The following ANKRD18A variants were observed in gnomAD, a reference collection of about 807,000 sequenced individuals.
The protein encoded by ANKRD18A is ankyrin repeat domain 18A.
In ANKRD18A, 72 loss-of-function variants were observed where a neutral mutation model predicts 110.6. That is an observed-to-expected ratio of 0.65 (90% CI 0.54 to 0.79). The LOEUF (loss-of-function observed/expected upper bound fraction) is 0.79, where lower values mean the gene tolerates loss of function less well. ANKRD18A is among the 30% of genes least tolerant of loss of function. The pLI is 0.00. For synonymous variants in ANKRD18A, 305 were observed against 410.3 expected, an observed-to-expected ratio of 0.74 and a Z score of 3.10; for missense variants, 934 against 1,163.3, an observed-to-expected ratio of 0.80 and a Z score of 2.87.
At chr9:38,609,216 A>G (rs1028430157) in intron 5 of ANKRD18A, among the ~76,000 whole-genome samples, 4 of 152,174 alleles carry the variant, frequency 2.6e-5, no homozygotes, top group African/African-American at 9.7e-5. Flanking sequence ...GCGGTGGCTC[A>G]CGCCTGTAAT....
chr9:38,575,485 G>A lies in ANKRD18A; in HGVS notation c.2955C>T (p.Phe985=). 6.4e-7 allele frequency: 1 copy of A among 1,550,856 alleles called. No individual in the cohort carries two copies. The highest frequency in any genetic ancestry group is 8.7e-7 in the Non-Finnish European group (1 of 1,146,626). ...TGGTCATATAACTAACCTCAGTCAA[G>A]AAGTTCTTGCAGTTATTTGAAGTCT... ...NPQTSNNCKN[F]LTEVLLC Residue 985 remains phenylalanine, a synonymous_variant, in exon 15 of 16, where the codon TTC becomes TTT. Transcript: ENST00000399703.
At position 38,577,365 on chromosome 9, in the gene ANKRD18A, G is replaced by A. The variant is rs777133355; in HGVS notation, c.2530-101C>T. 474 of 1,211,712 alleles carry A rather than the reference G, an allele frequency of 3.9e-4. 1 individual carries two copies. The highest frequency in any genetic ancestry group is 5.0e-4 in the Non-Finnish European group (440 of 878,514). 75.1% of individuals were successfully genotyped at this position (1,211,712 alleles called of 1,614,324 possible). A position where few individuals can be genotyped will look rare whatever the true frequency, so the allele number is the denominator to read the frequency against. On this transcript the variant is annotated intron_variant, in intron 13 of 15. Coordinates refer to ENST00000399703, the MANE Select transcript of ANKRD18A (RefSeq NM_147195.4). ...AATCAGTGATTCGAAGAGCAATTTT[G>A]AGTATGTTGAAAAGAGGCTGAAGCT...
chr9:38,616,892 T>A (rs1263162898), intron 1 of ANKRD18A, among the ~76,000 whole-genome samples: 1 of 152,218 alleles, frequency 6.6e-6, no homozygotes, highest in East Asian at 1.9e-4. Context: ...GTATTTATAA[T>A]TCATAATTTT....
intron 6 of ANKRD18A, chr9:38,604,062 G>C (rs561516847): frequency 1.3e-5 from 2 of 152,502 alleles, no homozygotes; most frequent in East Asian, 3.9e-4. Flanking sequence ...CACTTTGGGA[G>C]GCTGAGGCAG....
chr9:38,573,699 G>A (rs548896730), intron 15 of ANKRD18A, among the ~76,000 whole-genome samples: 1 of 151,364 alleles, frequency 6.6e-6, no homozygotes, highest in Admixed American at 6.6e-5. Context: ...TAGTGACAGA[G>A]CGAAACTCCA....
intron 14 of ANKRD18A, among the ~76,000 whole-genome samples, 178 bp from the exon 15 acceptor site, chr9:38,575,876 C>T (rs1398528477): frequency 1.3e-5 from 2 of 152,274 alleles, no homozygotes; most frequent in African/African-American, 2.4e-5. Flanking sequence ...TTAAAATCAT[C>T]CTAAATAAGT....
chr9:38,603,021 G>T, intron 7 of ANKRD18A, 138 bp downstream of exon 7: 1 of 1,274,594 alleles, frequency 7.8e-7, no homozygotes, highest in Non-Finnish European at 1.1e-6. Context: ...TTTTATCATG[G>T]ATGGGTGAAA....
At position 38,571,650 on chromosome 9, in the gene ANKRD18A, A is replaced by C. The variant is rs545761091; in HGVS notation, c.*395T>G. 1 of 1,015,154 alleles carries C rather than the reference A, an allele frequency of 9.9e-7. No homozygotes were observed. The highest frequency in any genetic ancestry group is 4.3e-5 in the South Asian group (1 of 23,254). 62.9% of individuals were successfully genotyped at this position (1,015,154 alleles called of 1,614,324 possible). ...TATGGTAATAAAAACTGTAAAATGCAAAGAAGCCCTCGATGACCTTTACTA... is the reference window on the plus strand; with the variant it reads ...TATGGTAATAAAAACTGTAAAATGCCAAGAAGCCCTCGATGACCTTTACTA... On this transcript the variant is annotated 3_prime_UTR_variant, in exon 16 of 16. Transcript: ENST00000399703.
In ANKRD18A at chr9:38,599,590, G is replaced by A. The variant is rs186926896; in HGVS notation, c.936+1541C>T. Among the ~76,000 whole-genome samples, 1,121 of 151,858 alleles carry A rather than the reference G, an allele frequency of 7.4e-3. 14 individuals are homozygous for A. The highest frequency in any genetic ancestry group is 0.024 in the African/African-American group (1,011 of 41,408). On this transcript the variant is annotated intron_variant, in intron 8 of 15. Transcript: ENST00000399703. ...AGCAATTCTCCTGCCTCAGCCTCCC[G>A]AGTAGCTGGGATTACAGGCATGCAC...
downstream of ANKRD18A, chr9:38,566,817 A>C (rs1823494887): frequency 6.6e-6 from 1 of 152,168 alleles, no homozygotes; most frequent in Non-Finnish European, 1.5e-5. Flanking sequence ...GGTGACATAG[A>C]GTTTTCAATG....
intron 3 of ANKRD18A, among the ~76,000 whole-genome samples, chr9:38,612,761 C>T (rs1825688856): frequency 6.6e-6 from 1 of 152,084 alleles, no homozygotes; most frequent in Admixed American, 6.5e-5. Flanking sequence ...TCGTGATCTG[C>T]CCGCCTCAGC....
At chr9:38,591,447 G>A (rs935446328) in intron 10 of ANKRD18A, among the ~76,000 whole-genome samples, 1 of 152,188 alleles carries the variant, frequency 6.6e-6, no homozygotes, top group Non-Finnish European at 1.5e-5. Context: ...GGGATGTTGG[G>A]AAGATTAAAC....
chr9:38,610,146 T>G, intron 5 of ANKRD18A, 127 bp downstream of exon 5: 1 of 1,282,008 alleles, frequency 7.8e-7, no homozygotes, highest in Non-Finnish European at 1.0e-6. Flanking sequence ...AAAAGTGGAC[T>G]AACTTGTTGC....
chr9:38,573,401 AG>A (rs1194705072), intron 15 of ANKRD18A, among the ~76,000 whole-genome samples: 1 of 152,196 alleles, frequency 6.6e-6, no homozygotes, highest in African/African-American at 2.4e-5. Flanking sequence ...AATTTTAGAA[AG>A]GTGGTGTTTT....
At position 38,601,169 on chromosome 9, in the gene ANKRD18A, G is replaced by A. The variant is rs1370859370; in HGVS notation, c.898C>T (p.Gln300Ter). ...TTTTCACTTCTTTGGAGCCTTTCTT[G>A]CTTTTCCTCTGAAGCCACTTTTAGG... ...HNLKVASEEK[Q>*]ERLQRSENKQ... Residue 300 changes from glutamine (Q) to a stop codon, truncating the protein, a stop_gained, in exon 8 of 16, where the codon CAA (glutamine) becomes TAA (stop). Coordinates refer to ENST00000399703, the MANE Select transcript of ANKRD18A (RefSeq NM_147195.4). LOFTEE classifies it high-confidence loss of function. 9.0e-6 allele frequency: 14 copies of A among 1,560,130 alleles called. No individual in the cohort carries two copies. Among genetic ancestry groups the A allele is most frequent in the Non-Finnish European group, 1.7e-6 (2 of 1,151,244 alleles).
chr9:38,577,795 T>C (rs1823965173), intron 13 of ANKRD18A, 72 bp downstream of exon 13: 7 of 1,479,344 alleles, frequency 4.7e-6, no homozygotes, highest in Non-Finnish European at 6.3e-6. Flanking sequence ...TATATACATA[T>C]CCAAAATATA....
At chr9:38,587,816 C>T (rs989183586) in intron 11 of ANKRD18A, among the ~76,000 whole-genome samples, 14 of 152,118 alleles carry the variant, frequency 9.2e-5, no homozygotes, top group Admixed American at 5.9e-4. Flanking sequence ...TTAAAGAATA[C>T]GTTGCTAAGC....
intron 10 of ANKRD18A, among the ~76,000 whole-genome samples, chr9:38,591,946 G>A (rs956877441): frequency 6.6e-6 from 1 of 152,182 alleles, no homozygotes; most frequent in Non-Finnish European, 1.5e-5. Flanking sequence ...GTACTCTGCT[G>A]AGCGCTCGGA....
At chr9:38,594,635 A>C (rs1001809212) in intron 9 of ANKRD18A, among the ~76,000 whole-genome samples, 1 of 152,176 alleles carries the variant, frequency 6.6e-6, no homozygotes, top group Non-Finnish European at 1.5e-5. Context: ...AAAATACATA[A>C]TGTGAGACTG....
Sources: gnomAD v4.1 joint callset for allele counts (sites outside exome capture counted in the v4.1 genomes callset) on GRCh38, gnomAD v4.1.1 for gene constraint, MANE v1.5 for transcripts, NCBI Gene and HGNC (gene_info 2026-07-23, HGNC 2026-07-21) for gene names.